EDIL3: variants seen among roughly 807,000 people sequenced by gnomAD.
EDIL3 encodes the protein EGF-like repeat and discoidin I-like domain-containing protein 3.
EDIL3 carries 37 observed loss-of-function variants against 67.4 expected under a neutral mutation model. That is an observed-to-expected ratio of 0.55 (90% CI 0.42 to 0.72). EDIL3 has a LOEUF of 0.72. Among genes scored for constraint, EDIL3 ranks in the 30% least tolerant of loss-of-function variants. The pLI is 0.00. For synonymous variants in EDIL3, 195 were observed against 196.3 expected, an observed-to-expected ratio of 0.99 and a Z score of 0.05; for missense variants, 527 against 586.3, an observed-to-expected ratio of 0.90 and a Z score of 1.04.
chr5:83,954,647 T>C (rs898156566), intron 10 of EDIL3, among the ~76,000 whole-genome samples: 1 of 151,716 alleles, frequency 6.6e-6, no homozygotes, highest in African/African-American at 2.4e-5. Context: ...AAACCTCCTT[T>C]CTTTATAAAT....
At chr5:84,253,426 T>G (rs1348056337) in intron 2 of EDIL3, among the ~76,000 whole-genome samples, 3 of 152,204 alleles carry the variant, frequency 2.0e-5, no homozygotes, top group Non-Finnish European at 4.4e-5. Flanking sequence ...TGGTGTTAAA[T>G]TATTTTAAAG....
chr5:84,041,137 A>T (rs1434685803), intron 9 of EDIL3, among the ~76,000 whole-genome samples: 13 of 62,190 alleles, frequency 2.1e-4, no homozygotes, highest in Admixed American at 1.9e-3. Flanking sequence ...TCTCAAAATA[A>T]AAAAAAAAAA....
intron 1 of EDIL3, among the ~76,000 whole-genome samples, chr5:84,372,973 T>C (rs1042667987): frequency 6.6e-6 from 1 of 152,158 alleles, no homozygotes; most frequent in African/African-American, 2.4e-5. Flanking sequence ...TCCTCCAGGA[T>C]ACCTTGCAGC....
At chr5:83,952,996 G>C (rs1276089441) in intron 10 of EDIL3, among the ~76,000 whole-genome samples, 1 of 151,754 alleles carries the variant, frequency 6.6e-6, no homozygotes, top group Non-Finnish European at 1.5e-5. Context: ...GACAATCCTG[G>C]AGATGGATGC....
chr5:84,091,290 C>G (rs1404608249), intron 6 of EDIL3, among the ~76,000 whole-genome samples: 1 of 152,168 alleles, frequency 6.6e-6, no homozygotes, highest in Non-Finnish European at 1.5e-5. Context: ...GAATTACAGT[C>G]AATACATGCA....
chr5:84,311,312 C>CTTTTTT (rs900034474), intron 1 of EDIL3, among the ~76,000 whole-genome samples: 11 of 93,868 alleles, frequency 1.2e-4, no homozygotes, highest in Non-Finnish European at 2.5e-4. Flanking sequence ...AATGTATTTT[C>CTTTTTT]TTTTTTTTTT....
chr5:83,977,307 T>G (rs943774811), intron 9 of EDIL3, among the ~76,000 whole-genome samples: 1 of 151,876 alleles, frequency 6.6e-6, no homozygotes, highest in African/African-American at 2.4e-5. Context: ...AAATTTTCCT[T>G]TACTAGAAAA....
intron 1 of EDIL3, among the ~76,000 whole-genome samples, chr5:84,314,345 C>T (rs1488811224): frequency 6.6e-6 from 1 of 152,200 alleles, no homozygotes; most frequent in Admixed American, 6.5e-5. Context: ...CCCATCATGA[C>T]TTTGAATCAC....
intron 7 of EDIL3, among the ~76,000 whole-genome samples, chr5:84,065,521 T>C (rs1746623424): frequency 6.6e-6 from 1 of 150,510 alleles, no homozygotes; most frequent in Non-Finnish European, 1.5e-5. Flanking sequence ...ATTTTAAAAA[T>C]ATTTTATATA....
Position 84,229,852 on chromosome 5 carries a change from T to G in EDIL3, c.226+3A>C. ...AATTATGTTTACAACATAGGAACTT[T>G]ACCTGCTGAAGTTGGTTCTTCTTCA... On this transcript the variant is annotated splice_donor_region_variant and intron_variant, in intron 3 of 10. Transcript: ENST00000296591. The G allele has an allele frequency of 6.2e-7, 1 of 1,605,412 alleles. No homozygotes were observed. Among genetic ancestry groups the G allele is most frequent in the African/African-American group, 1.3e-5 (1 of 74,812 alleles).
chr5:83,991,536 A>G (rs1046153154), intron 9 of EDIL3, among the ~76,000 whole-genome samples: 1 of 152,038 alleles, frequency 6.6e-6, no homozygotes, highest in African/African-American at 2.4e-5. Context: ...TAACACATTC[A>G]TTTCCTCAAC....
intron 9 of EDIL3, among the ~76,000 whole-genome samples, chr5:83,977,134 C>CA (rs1272090868): frequency 6.6e-6 from 1 of 151,578 alleles, no homozygotes; most frequent in Non-Finnish European, 1.5e-5. Flanking sequence ...GATGAGTATA[C>CA]GAATGTTTAA....
chr5:84,302,897 G>T (rs906697007), intron 1 of EDIL3, among the ~76,000 whole-genome samples: 4 of 152,154 alleles, frequency 2.6e-5, no homozygotes, highest in African/African-American at 9.7e-5. Context: ...TTCATTCATT[G>T]CTTCCTATGT....
At chr5:83,944,679 A>G (rs559342270) in intron 10 of EDIL3, among the ~76,000 whole-genome samples, 1 of 151,984 alleles carries the variant, frequency 6.6e-6, no homozygotes, top group Admixed American at 6.6e-5. Flanking sequence ...CATTTTTAAA[A>G]ATTTAGATTT....
At chr5:83,945,440 C>T (rs189523010) in intron 10 of EDIL3, among the ~76,000 whole-genome samples, 2 of 152,024 alleles carry the variant, frequency 1.3e-5, no homozygotes, top group Admixed American at 6.6e-5. Flanking sequence ...TGTAGCCCTG[C>T]TAGTGAACTT....
At chr5:84,047,516 A>G (rs957402171) in intron 9 of EDIL3, 4 of 152,112 alleles carry the variant, frequency 2.6e-5, no homozygotes, top group East Asian at 3.9e-4. Flanking sequence ...ATCTGTATCA[A>G]TAATTGTTAC....
chr5:83,998,723 G>A (rs1745275972), intron 9 of EDIL3, among the ~76,000 whole-genome samples: 1 of 152,216 alleles, frequency 6.6e-6, no homozygotes, highest in Non-Finnish European at 1.5e-5. Context: ...TGAAGGGAAA[G>A]ACACACATTT....
At chr5:84,107,755 T>C (rs1437918807) in intron 5 of EDIL3, among the ~76,000 whole-genome samples, 2 of 150,106 alleles carry the variant, frequency 1.3e-5, no homozygotes, top group East Asian at 3.9e-4. Flanking sequence ...TATATATTTG[T>C]ATTATATATA....
intron 9 of EDIL3, among the ~76,000 whole-genome samples, chr5:84,055,655 A>T (rs1306432654): frequency 6.6e-6 from 1 of 152,214 alleles, no homozygotes; most frequent in Non-Finnish European, 1.5e-5. Context: ...AAAGGATATG[A>T]ATGGACACTT....
Sources: gnomAD v4.1 joint callset for allele counts (sites outside exome capture counted in the v4.1 genomes callset) on GRCh38, gnomAD v4.1.1 for gene constraint, MANE v1.5 for transcripts, NCBI Gene and HGNC (gene_info 2026-07-23, HGNC 2026-07-21) for gene names.